SPINK9: variants seen among roughly 807,000 people sequenced by gnomAD.
SPINK9 encodes the protein serine peptidase inhibitor Kazal type 9, also known as serine protease inhibitor Kazal-type 9.
A neutral mutation model predicts 10.8 loss-of-function variants in SPINK9; 3 were observed. The observed-to-expected ratio is 0.28, with a 90% CI of 0.13 to 0.72. SPINK9 has a LOEUF of 0.72. Among genes scored for constraint, SPINK9 ranks in the 30% least tolerant of loss-of-function variants. SPINK9 has a pLI of 0.74. For missense variants in SPINK9, 101 were observed against 103.2 expected (o/e 0.98, Z 0.09); for synonymous variants, 30 against 31.2 (o/e 0.96, Z 0.12).
chr5:148,339,749 C>G lies in SPINK9; in HGVS notation c.*37C>G. The G allele has an allele frequency of 2.0e-6, 3 of 1,531,786 alleles. No homozygotes were observed. The highest frequency in any genetic ancestry group is 1.8e-6 in the Non-Finnish European group (2 of 1,106,430). 94.9% of individuals were successfully genotyped at this position (1,531,786 alleles called of 1,614,324 possible). The stretch of plus-strand genomic sequence containing the variant: ...GAGTCCAAAATATCTTTTAATGCAT[C>G]TATTCACAAGAGTCACATTTCTGTT... On this transcript the variant is annotated 3_prime_UTR_variant, in exon 4 of 4. Coordinates refer to ENST00000377906, the MANE Select transcript of SPINK9 (RefSeq NM_001040433.2).
At chr5:148,331,488 G>A (rs1028304368), upstream of SPINK9, among the ~76,000 whole-genome samples, 4 of 152,182 alleles carry the variant, frequency 2.6e-5, no homozygotes, top group African/African-American at 7.2e-5. Context: ...AAGTGGAGAG[G>A]GAAAGGGAAG....
upstream of SPINK9, among the ~76,000 whole-genome samples, chr5:148,335,005 G>T (rs1757197806): frequency 6.6e-6 from 1 of 152,100 alleles, no homozygotes. Flanking sequence ...ACCAGAATAA[G>T]TTTCAGCTAT....
In SPINK9 at chr5:148,338,620, G is replaced by T. The variant is rs770999074; in HGVS notation, c.215+15G>T. On this transcript the variant is annotated intron_variant, in intron 3 of 3. Coordinates refer to ENST00000377906, the MANE Select transcript of SPINK9 (RefSeq NM_001040433.2). The stretch of plus-strand genomic sequence containing the variant: ...TCTAAAGTTAAGTAAGTATTAAAAT[G>T]TTTTCTTTTTCATATTTAAGGTAAA... 191 of 1,540,640 alleles carry T rather than the reference G, an allele frequency of 1.2e-4. No individual in the cohort carries two copies. The highest frequency in any genetic ancestry group is 1.7e-4 in the Non-Finnish European group (189 of 1,127,754).
intron 2 of SPINK9, among the ~76,000 whole-genome samples, chr5:148,324,020 C>T (rs1295785574): frequency 6.6e-6 from 1 of 152,078 alleles, no homozygotes; most frequent in East Asian, 1.9e-4. Flanking sequence ...ACTATAATGT[C>T]CTACAAAAAT....
chr5:148,323,898 G>A (rs1407879257), intron 2 of SPINK9: 3 of 677,914 alleles, frequency 4.4e-6, no homozygotes, highest in Non-Finnish European at 8.0e-6. Flanking sequence ...AATTTAATGT[G>A]TATCTAAAGT....
chr5:148,337,967 G>A (rs1369183203), intron 2 of SPINK9, among the ~76,000 whole-genome samples: 1 of 152,106 alleles, frequency 6.6e-6, no homozygotes, highest in African/African-American at 2.4e-5. Context: ...ATTCATCTAT[G>A]TGCTGGTGAA....
chr5:148,330,965 G>T (rs903443369), upstream of SPINK9, among the ~76,000 whole-genome samples: 2 of 152,180 alleles, frequency 1.3e-5, no homozygotes, highest in Non-Finnish European at 2.9e-5. Context: ...GGAGTGACCC[G>T]ATTTTCCAGG....
At chr5:148,334,667 C>T (rs1286509027), upstream of SPINK9, among the ~76,000 whole-genome samples, 7 of 151,870 alleles carry the variant, frequency 4.6e-5, no homozygotes, top group Non-Finnish European at 1.0e-4. Context: ...GCTGAGATCA[C>T]GCCACTGCAC....
At chr5:148,329,632 G>T (rs1247979742) in intron 2 of SPINK9, among the ~76,000 whole-genome samples, 1 of 152,116 alleles carries the variant, frequency 6.6e-6, no homozygotes, top group African/African-American at 2.4e-5. Context: ...TGCTTCTCTT[G>T]TGAGTATTTA....
At chr5:148,324,463 A>G (rs1447663396) in intron 2 of SPINK9, among the ~76,000 whole-genome samples, 1 of 152,120 alleles carries the variant, frequency 6.6e-6, no homozygotes, top group Non-Finnish European at 1.5e-5. Flanking sequence ...ATCATTAATG[A>G]TAGGCAAATC....
At chr5:148,332,394 T>G (rs750019339), upstream of SPINK9, among the ~76,000 whole-genome samples, 1 of 152,222 alleles carries the variant, frequency 6.6e-6, no homozygotes, top group Non-Finnish European at 1.5e-5. Flanking sequence ...TTGTTTAATC[T>G]GAAACCTTGG....
At chr5:148,323,665 T>C in intron 1 of SPINK9, 1 of 539,252 alleles carries the variant, frequency 1.9e-6, no homozygotes. Flanking sequence ...TTTTTAAAAT[T>C]TTACCTTTTG....
chr5:148,335,259 C>T (rs1757201240), upstream of SPINK9, among the ~76,000 whole-genome samples: 2 of 152,056 alleles, frequency 1.3e-5, no homozygotes, highest in Non-Finnish European at 2.9e-5. Context: ...TAAACCATGG[C>T]CAAAAGATTG....
intron 2 of SPINK9, among the ~76,000 whole-genome samples, chr5:148,327,175 T>G (rs1037411632): frequency 6.6e-6 from 1 of 152,234 alleles, no homozygotes; most frequent in African/African-American, 2.4e-5. Flanking sequence ...CAGCACCTGT[T>G]GTTTCCTGAC....
chr5:148,338,187 T>C (rs1266051642), intron 2 of SPINK9, among the ~76,000 whole-genome samples: 1 of 152,130 alleles, frequency 6.6e-6, no homozygotes, highest in Non-Finnish European at 1.5e-5. Flanking sequence ...TTTGAGAATA[T>C]GCCATGTATT....
At chr5:148,322,712 C>T (rs1168036845) in intron 1 of SPINK9, among the ~76,000 whole-genome samples, 1 of 152,204 alleles carries the variant, frequency 6.6e-6, no homozygotes, top group Non-Finnish European at 1.5e-5. Context: ...CTGTAAGTGG[C>T]AGACGGGTCT....
chr5:148,332,656 G>A (rs116513758), upstream of SPINK9, among the ~76,000 whole-genome samples: 371 of 152,310 alleles, frequency 2.4e-3, no homozygotes, highest in African/African-American at 8.5e-3. Context: ...CTCTTTTTCA[G>A]TAGCTGTAAT....
chr5:148,321,504 T>C (rs995853893), intron 1 of SPINK9: 5 of 151,126 alleles, frequency 3.3e-5, no homozygotes, highest in African/African-American at 1.2e-4. Flanking sequence ...TTTTTTTTTT[T>C]TTAACAAACG....
intron 3 of SPINK9, 107 bp downstream of exon 3, chr5:148,338,712 T>G: frequency 1.2e-6 from 1 of 804,334 alleles, no homozygotes; most frequent in Non-Finnish European, 1.9e-6. Context: ...CATATCATAC[T>G]GTCTCTAACA....
Sources: gnomAD v4.1 joint callset for allele counts (sites outside exome capture counted in the v4.1 genomes callset) on GRCh38, gnomAD v4.1.1 for gene constraint, MANE v1.5 for transcripts, NCBI Gene and HGNC (gene_info 2026-07-23, HGNC 2026-07-21) for gene names.